The following KLF15 variants were observed in gnomAD, a reference collection of about 807,000 sequenced individuals.
KLF15 encodes the protein Krueppel-like factor 15.
A neutral mutation model predicts 24.6 loss-of-function variants in KLF15; 4 were observed. The observed-to-expected ratio is 0.16, with a 90% CI of 0.08 to 0.37. KLF15 has a LOEUF of 0.37. KLF15 is among the 10% of genes least tolerant of loss of function. The pLI is 1.00. For missense variants in KLF15, 496 were observed against 560.6 expected (o/e 0.88, Z 1.16); for synonymous variants, 246 against 236.3 (o/e 1.04, Z -0.37).
At chr3:126,322,905 G>T in the KLF15 span, among the ~76,000 whole-genome samples, 737 of 152,124 alleles carry the variant, frequency 4.8e-3, 8 homozygotes, top group African/African-American at 0.016. Context: ...CAGCACAATT[G>T]CTTTTTGGAG....
downstream of KLF15, among the ~76,000 whole-genome samples, chr3:126,338,369 C>T (rs1324762722): frequency 6.6e-6 from 1 of 152,226 alleles, no homozygotes; most frequent in Non-Finnish European, 1.5e-5. Flanking sequence ...TGCCACTTTG[C>T]TGTGGAAACA....
chr3:126,350,031 C>T (rs1453725961), intron 2 of KLF15, among the ~76,000 whole-genome samples: 1 of 152,228 alleles, frequency 6.6e-6, no homozygotes, highest in Non-Finnish European at 1.5e-5. Flanking sequence ...TAGCCCTCCA[C>T]TCTGCAGACA....
At chr3:126,338,734 T>C (rs1423319295), downstream of KLF15, among the ~76,000 whole-genome samples, 5 of 152,264 alleles carry the variant, frequency 3.3e-5, no homozygotes, top group Non-Finnish European at 5.9e-5. Context: ...TGCAGAAATG[T>C]ATTTTCACTC....
chr3:126,293,309 C>T, the KLF15 span, among the ~76,000 whole-genome samples: 2 of 152,062 alleles, frequency 1.3e-5, no homozygotes, highest in South Asian at 2.1e-4. Context: ...GAGTGAGGCC[C>T]TGTCTCAAAA....
the KLF15 span, among the ~76,000 whole-genome samples, chr3:126,310,720 T>A: frequency 0.017 from 2,594 of 152,270 alleles, 71 homozygotes; most frequent in African/African-American, 0.059. Context: ...TCCCCTTTTT[T>A]AAGAAGTCTT....
At position 126,343,389 on chromosome 3, in the gene KLF15, C is replaced by A; in HGVS notation, c.*338G>T. On this transcript the variant is annotated 3_prime_UTR_variant, in exon 3 of 3. Coordinates refer to ENST00000296233, the MANE Select transcript of KLF15 (RefSeq NM_014079.4). ...GGCCTTGGCCCAGGATGGGGGAGCC[C>A]AGTGGGAGAAGGGCCAGGTCCCCAA... The A allele has an allele frequency of 3.3e-6, 1 of 307,448 alleles. No homozygotes were observed. Among genetic ancestry groups the A allele is most frequent in the Non-Finnish European group, 6.0e-6 (1 of 167,074 alleles). 19.0% of individuals were successfully genotyped at this position (307,448 alleles called of 1,614,324 possible). A position where few individuals can be genotyped will look rare whatever the true frequency, so the allele number is the denominator to read the frequency against.
chr3:126,299,394 C>A, the KLF15 span, among the ~76,000 whole-genome samples: 3 of 151,784 alleles, frequency 2.0e-5, no homozygotes, highest in Admixed American at 2.0e-4. Flanking sequence ...TATCTAGGAG[C>A]TTTTAGTTAA....
At chr3:126,291,855 G>A in the KLF15 span, among the ~76,000 whole-genome samples, 1 of 152,214 alleles carries the variant, frequency 6.6e-6, no homozygotes, top group African/African-American at 2.4e-5. Context: ...AGCCAGCCAG[G>A]TGCCCTGGAA....
the KLF15 span, among the ~76,000 whole-genome samples, chr3:126,291,444 G>A: frequency 6.6e-6 from 1 of 152,202 alleles, no homozygotes; most frequent in Non-Finnish European, 1.5e-5. Flanking sequence ...ACCAAGGTCG[G>A]GACAGAGGAA....
At chr3:126,324,990 T>A in the KLF15 span, among the ~76,000 whole-genome samples, 1 of 103,732 alleles carries the variant, frequency 9.6e-6, no homozygotes, top group Admixed American at 1.1e-4. Flanking sequence ...CCCCAGAGTG[T>A]GATATTCCCC....
rs913207070 is a variant in KLF15, at chr3:126,353,059, G to A, written c.-25-112C>T. On this transcript the variant is annotated intron_variant, in intron 1 of 2. Transcript: ENST00000296233. ...TGCCCACAGCCTCCTATTGCCAAAC[G>A]CCTGGATCCTGCTTCCATCCCCCAG... is the stretch of plus-strand genomic sequence containing the variant. The A allele has an allele frequency of 6.0e-5, 74 of 1,229,226 alleles. 2 individuals carry two copies. The South Asian group carries it at 7.8e-4, about 13-fold the overall frequency. The allele number at this position is 1,229,226 out of a possible 1,614,324, so 76.1% of individuals were successfully genotyped here.
At chr3:126,317,995 G>A in the KLF15 span, among the ~76,000 whole-genome samples, 15 of 152,134 alleles carry the variant, frequency 9.9e-5, no homozygotes, top group African/African-American at 3.6e-4. Context: ...CGGTCACCTT[G>A]TTTTCTGAGC....
chr3:126,351,981 G>C lies in KLF15; in HGVS notation c.942C>G (p.Ala314=), dbSNP rs764240720. 1 of 1,594,456 alleles carries C rather than the reference G, an allele frequency of 6.3e-7. No individual in the cohort carries two copies. Among genetic ancestry groups the C allele is most frequent in the African/African-American group, 1.3e-5 (1 of 74,612 alleles). The change falls in exon 2 of 3, where the codon GCC becomes GCG. Residue 314 remains alanine (A), a synonymous_variant. Transcript: ENST00000296233. ...ATTTGTGCATTTTGATGAGTTCTGC[G>C]GCTGGGTTCTTGGGGAACTTCTGGC... ...LMGQKFPKNP[A]AELIKMHKCT...
rs188473171 is a variant in KLF15 at position 126,347,986 on chromosome 3, C to T, written c.1082+3855G>A. Reference sequence around the variant, plus strand: ...TCTAGGCCACCAGGAAGAAGAGACGCGGCCTGGGAGTGGAGAGCTCCCCCA... The same window carrying T: ...TCTAGGCCACCAGGAAGAAGAGACGTGGCCTGGGAGTGGAGAGCTCCCCCA... On this transcript the variant is annotated intron_variant, in intron 2 of 2. Transcript: ENST00000296233. 2.3e-4 allele frequency among the ~76,000 whole-genome samples: 35 copies of T among 152,296 alleles called. No homozygotes were observed. The South Asian group carries it at 6.2e-3, about 27-fold the overall frequency.
At chr3:126,345,982 C>T (rs932648015) in intron 2 of KLF15, among the ~76,000 whole-genome samples, 6 of 152,226 alleles carry the variant, frequency 3.9e-5, no homozygotes, top group African/African-American at 2.4e-5. Flanking sequence ...CAAGACAGGG[C>T]CCCTGAGGCT....
the KLF15 span, among the ~76,000 whole-genome samples, chr3:126,296,424 G>C: frequency 2.8e-3 from 423 of 152,316 alleles, 1 homozygote; most frequent in African/African-American, 9.8e-3. Context: ...AGCCAGGATG[G>C]TCTTTATCTC....
Position 126,356,061 on chromosome 3 carries a change from T to C in KLF15, c.-26+1176A>G, listed in dbSNP as rs529447741. Among the ~76,000 whole-genome samples the C allele has an allele frequency of 2.4e-4, 36 of 152,226 alleles. No homozygotes were observed. Among genetic ancestry groups the C allele is most frequent in the East Asian group, 1.6e-3 (8 of 5,150 alleles). On this transcript the variant is annotated intron_variant, in intron 1 of 2. Transcript: ENST00000296233. The surrounding 1 kb of genome is among the most constrained non-coding windows in gnomAD (Gnocchi z 4.4). ...CTGGCCCGGCCAGGCCTGCTGTTTA[T>C]CCTCCCGGGGACACAGCGGCTGCAG...
the KLF15 span, among the ~76,000 whole-genome samples, chr3:126,294,470 C>A: frequency 6.6e-5 from 10 of 152,244 alleles, no homozygotes; most frequent in South Asian, 1.7e-3. Flanking sequence ...TTATTAATTG[C>A]GATTCATCTG....
At chr3:126,332,055 G>C in the KLF15 span, among the ~76,000 whole-genome samples, 13 of 152,220 alleles carry the variant, frequency 8.5e-5, no homozygotes, top group Admixed American at 5.2e-4. Context: ...AGCTCGAACT[G>C]GGTGGAGCCC....
Sources: allele counts gnomAD v4.1 joint callset (sites outside exome capture counted in the v4.1 genomes callset), GRCh38; gene constraint gnomAD v4.1.1; non-coding constraint Gnocchi (gnomAD v3.1); transcripts MANE v1.5; gene names NCBI Gene and HGNC (gene_info 2026-07-23, HGNC 2026-07-21).